SPCS2: variants seen among roughly 807,000 people sequenced by gnomAD.
The protein encoded by SPCS2 is SPase 25 kDa subunit.
SPCS2 carries 3 observed loss-of-function variants against 22.3 expected under a neutral mutation model. The observed-to-expected ratio is 0.13, with a 90% confidence interval of 0.06 to 0.35. The LOEUF is 0.35. SPCS2 is among the 10% of genes least tolerant of loss of function. The pLI is 1.00. For missense variants in SPCS2, 169 were observed against 280.9 expected (o/e 0.60, Z 2.85); for synonymous variants, 67 against 97.2 (o/e 0.69, Z 1.83).
At chr11:74,954,740 G>T (rs1327743797) in intron 1 of SPCS2, among the ~76,000 whole-genome samples, 3 of 152,140 alleles carry the variant, frequency 2.0e-5, no homozygotes, top group Non-Finnish European at 4.4e-5. Context: ...AAAATAAAAA[G>T]TATGTGTGTG....
At chr11:74,953,022 G>A (rs187870838) in intron 1 of SPCS2, among the ~76,000 whole-genome samples, 5 of 151,954 alleles carry the variant, frequency 3.3e-5, no homozygotes, top group African/African-American at 7.3e-5. Flanking sequence ...ATTGAATTTC[G>A]CAGAGAAAAA....
At chr11:74,975,151 C>G (rs1316735028) in intron 4 of SPCS2, among the ~76,000 whole-genome samples, 1 of 152,102 alleles carries the variant, frequency 6.6e-6, no homozygotes, top group South Asian at 2.1e-4. Flanking sequence ...CTCTCATCCT[C>G]TCCCACTTCA....
At chr11:74,950,019 G>A (rs1201197813) in intron 1 of SPCS2, among the ~76,000 whole-genome samples, 1 of 151,312 alleles carries the variant, frequency 6.6e-6, no homozygotes, top group African/African-American at 2.4e-5. Flanking sequence ...GTGCACTGCT[G>A]CCCGCTCACG....
chr11:74,966,063 T>G, intron 3 of SPCS2, 140 bp downstream of exon 3: 1 of 741,318 alleles, frequency 1.3e-6, no homozygotes, highest in Non-Finnish European at 2.2e-6. Context: ...CTGTGATGTT[T>G]ATATAGTAAA....
At chr11:74,951,496 C>A (rs1012665589) in intron 1 of SPCS2, among the ~76,000 whole-genome samples, 2 of 151,948 alleles carry the variant, frequency 1.3e-5, no homozygotes, top group Non-Finnish European at 2.9e-5. Context: ...ATAGAGTGAA[C>A]CCTGCGAGCT....
rs1948629379 is a variant in SPCS2 at position 74,978,770 on chromosome 11, A to G, written c.*1727A>G. On this transcript the variant is annotated 3_prime_UTR_variant, in exon 5 of 5. Coordinates refer to ENST00000263672, the MANE Select transcript of SPCS2 (RefSeq NM_014752.3). ...TTAAATCTGTAGATATAGAGGGCCA[A>G]CTGTACTGTTAGACACAAGGGTCTC... 6.6e-6 allele frequency: 1 copy of G among 152,184 alleles called. No homozygotes were observed. Among genetic ancestry groups the G allele is most frequent in the African/African-American group, 2.4e-5 (1 of 41,424 alleles). The allele number at this position is 152,184 out of a possible 1,614,324, so 9.4% of individuals were successfully genotyped here.
intron 1 of SPCS2, among the ~76,000 whole-genome samples, chr11:74,950,187 C>A (rs1335648371): frequency 6.6e-6 from 1 of 152,234 alleles, no homozygotes; most frequent in African/African-American, 2.4e-5. Flanking sequence ...GCACGGAGAA[C>A]AACGTCCTGG....
intron 4 of SPCS2, among the ~76,000 whole-genome samples, chr11:74,974,485 CCT>C (rs1948604432): frequency 6.6e-6 from 1 of 152,192 alleles, no homozygotes; most frequent in African/African-American, 2.4e-5. Context: ...CATTTTGACT[CCT>C]CTTTCTCAGT....
intron 1 of SPCS2, among the ~76,000 whole-genome samples, chr11:74,949,918 G>A (rs1047650377): frequency 2.0e-5 from 3 of 152,152 alleles, no homozygotes; most frequent in African/African-American, 7.2e-5. Context: ...GTTCTACTGG[G>A]CTGACAAGAA....
chr11:74,953,549 T>G (rs1948458936), intron 1 of SPCS2, among the ~76,000 whole-genome samples: 1 of 152,174 alleles, frequency 6.6e-6, no homozygotes, highest in Non-Finnish European at 1.5e-5. Flanking sequence ...GTTTTTATTT[T>G]ATTTCTGCAG....
At chr11:74,965,742 A>G (rs1948541128) in intron 2 of SPCS2, 21 bp from the exon 3 acceptor site, 3 of 1,603,272 alleles carry the variant, frequency 1.9e-6, no homozygotes, top group Non-Finnish European at 1.7e-6. Context: ...TATTAGCTTG[A>G]TTCCTTGTTT....
intron 1 of SPCS2, among the ~76,000 whole-genome samples, chr11:74,951,884 T>C (rs925325000): frequency 2.6e-5 from 4 of 151,100 alleles, no homozygotes; most frequent in East Asian, 1.9e-4. Flanking sequence ...GGCACCTTAT[T>C]TGGGGGGAGA....
At chr11:74,968,276 G>A (rs1282695) in intron 3 of SPCS2, 51,026 of 151,914 alleles carry the variant, frequency 0.34, 9,498 homozygotes, top group Non-Finnish European at 0.43. Flanking sequence ...TAGTATATGT[G>A]CTGCCGAAGC....
intron 1 of SPCS2, chr11:74,963,668 C>T (rs898963075): frequency 2.4e-6 from 1 of 422,136 alleles, no homozygotes; most frequent in African/African-American, 2.1e-5. Flanking sequence ...CCTCAGCCTC[C>T]CAAGTATCTG....
chr11:74,975,930 G>A (rs1033725002), intron 4 of SPCS2, among the ~76,000 whole-genome samples: 1 of 152,206 alleles, frequency 6.6e-6, no homozygotes, highest in Non-Finnish European at 1.5e-5. Flanking sequence ...CAGCCTACCA[G>A]TAATTGGTGT....
intron 1 of SPCS2, among the ~76,000 whole-genome samples, chr11:74,951,810 C>CAAAAAAAAAAA (rs61038317): frequency 6.9e-4 from 56 of 81,354 alleles, no homozygotes; most frequent in African/African-American, 2.4e-3. Context: ...AACTCTGTCT[C>CAAAAAAAAAAA]AAAAAAAAAA....
chr11:74,955,849 A>T (rs1357054088), intron 1 of SPCS2, among the ~76,000 whole-genome samples: 1 of 36,214 alleles, frequency 2.8e-5, no homozygotes, highest in African/African-American at 7.6e-5. Flanking sequence ...ATTACTAATT[A>T]AAATATATAT....
At chr11:74,955,884 A>ATATATATT (rs1555115691) in intron 1 of SPCS2, among the ~76,000 whole-genome samples, 2 of 127,846 alleles carry the variant, frequency 1.6e-5, no homozygotes, top group Non-Finnish European at 3.3e-5. Context: ...ATATATATAT[A>ATATATATT]TATCTGCCTG....
chr11:74,972,166 A>G (rs1591742018), intron 4 of SPCS2, among the ~76,000 whole-genome samples: 1 of 152,126 alleles, frequency 6.6e-6, no homozygotes, highest in South Asian at 2.1e-4. Context: ...TCCGGCTTCA[A>G]GTGATTCTCC....
Sources: allele counts gnomAD v4.1 joint callset (sites outside exome capture counted in the v4.1 genomes callset), GRCh38; gene constraint gnomAD v4.1.1; transcripts MANE v1.5; gene names NCBI Gene and HGNC (gene_info 2026-07-23, HGNC 2026-07-21).